Variants in NALCN observed in about 807,000 individuals in gnomAD.
NALCN encodes sodium leak channel, non-selective.
In NALCN, 111 loss-of-function variants were observed where a neutral mutation model predicts 225.3. That is an observed-to-expected ratio of 0.49 (90% CI 0.42 to 0.58). The LOEUF is 0.58. Among genes scored for constraint, NALCN ranks in the 20% least tolerant of loss-of-function variants. The pLI is 0.00. For synonymous variants in NALCN, 764 were observed against 769.0 expected (o/e 0.99, Z 0.11); for missense variants, 1,378 against 2,202.4 (o/e 0.63, Z 7.49).
chr13:101,407,078 G>C (rs1250407811), intron 1 of NALCN, among the ~76,000 whole-genome samples: 1 of 152,192 alleles, frequency 6.6e-6, no homozygotes, highest in African/African-American at 2.4e-5. Context: ...TATTGAGAAA[G>C]TTTTTCTGTC....
chr13:101,058,424 GGGCA>G, intron 42 of NALCN: 1 of 163,292 alleles, frequency 6.1e-6, no homozygotes, highest in Admixed American at 6.1e-5. Context: ...GGCTGGGCGG[GGGCA>G]GTCTACTGTC....
chr13:101,079,382 T>A (rs889387746), intron 34 of NALCN, among the ~76,000 whole-genome samples: 2 of 152,220 alleles, frequency 1.3e-5, no homozygotes, highest in African/African-American at 4.8e-5. Context: ...TTCTTACCCA[T>A]CCAAATCTTG....
intron 1 of NALCN, among the ~76,000 whole-genome samples, chr13:101,402,738 C>T (rs919776970): frequency 2.0e-5 from 3 of 152,152 alleles, no homozygotes; most frequent in African/African-American, 4.8e-5. Flanking sequence ...CTGCTTCCCC[C>T]GCAGATGTAG....
At chr13:101,179,328 A>G (rs908424992) in intron 14 of NALCN, among the ~76,000 whole-genome samples, 6 of 152,164 alleles carry the variant, frequency 3.9e-5, no homozygotes, top group Non-Finnish European at 7.3e-5. Context: ...TTTTCATTTA[A>G]TTCTCCCCGA....
chr13:101,092,578 T>C (rs1048120958), intron 28 of NALCN, among the ~76,000 whole-genome samples: 2 of 152,176 alleles, frequency 1.3e-5, no homozygotes, highest in Non-Finnish European at 2.9e-5. Context: ...AGGTAACCAG[T>C]GTGTCTTCTC....
At position 101,292,026 on chromosome 13, in the gene NALCN, T is replaced by A; in HGVS notation, c.1011A>T (p.Gly337=). The A allele has an allele frequency of 6.2e-7, 1 of 1,614,064 alleles. No homozygotes were observed. Among genetic ancestry groups the A allele is most frequent in the Non-Finnish European group, 8.5e-7 (1 of 1,180,014 alleles). ...EIRVQFQQMW[G]SRSSTTSTAT... ...CTGTTGAGGTAGTGCTGCTTCTCGA[T>A]CCCCACATTTGTTGAAACTGTACTC... Residue 337 remains glycine, a synonymous_variant, in exon 9 of 44, where the codon GGA becomes GGT. Transcript: ENST00000251127. This position sits in a 1 kb window ranked among gnomAD's most constrained non-coding sequence, Gnocchi z 4.3.
At chr13:101,187,003 T>G (rs145794876) in intron 14 of NALCN, among the ~76,000 whole-genome samples, 2 of 152,124 alleles carry the variant, frequency 1.3e-5, no homozygotes, top group South Asian at 2.1e-4. Flanking sequence ...CATTCCACAA[T>G]GTATGCATGT....
intron 14 of NALCN, among the ~76,000 whole-genome samples, chr13:101,190,825 G>A (rs1423676649): frequency 6.6e-6 from 1 of 152,212 alleles, no homozygotes; most frequent in East Asian, 1.9e-4. Flanking sequence ...TTTGGCAGAA[G>A]TTTGATTTGA....
At chr13:101,133,284 C>G (rs931616957) in intron 17 of NALCN, among the ~76,000 whole-genome samples, 8 of 152,142 alleles carry the variant, frequency 5.3e-5, no homozygotes, top group Non-Finnish European at 1.2e-4. Flanking sequence ...TTTTGATTTA[C>G]AATGTTAACA....
In NALCN at chr13:101,202,779, G is replaced by T. The variant is rs1381108497; in HGVS notation, c.1627-10725C>A. 2.6e-5 allele frequency among the ~76,000 whole-genome samples: 4 copies of T among 152,314 alleles called. 1 individual carries two copies. In the South Asian group the frequency reaches 8.3e-4, roughly 32 times the overall value. On this transcript the variant is annotated intron_variant, in intron 13 of 43. Transcript: ENST00000251127. Reference sequence around the variant, plus strand: ...GCTTTTCAAAGCTGCTCCCCCTGGTGTAACTTCAGCCACCTCCATCACTGC... The same window carrying T: ...GCTTTTCAAAGCTGCTCCCCCTGGTTTAACTTCAGCCACCTCCATCACTGC...
intron 12 of NALCN, 64 bp from the exon 13 acceptor site, chr13:101,229,648 T>C (rs2041271667): frequency 7.9e-7 from 1 of 1,269,634 alleles, no homozygotes; most frequent in Admixed American, 2.8e-5. Context: ...GAATCTTAAA[T>C]ATATTCATAC....
intron 1 of NALCN, among the ~76,000 whole-genome samples, chr13:101,408,679 C>T (rs549804138): frequency 1.3e-5 from 2 of 152,170 alleles, no homozygotes; most frequent in South Asian, 4.1e-4. Flanking sequence ...TTTCTTTCTG[C>T]CTCTCTCCTT....
chr13:101,214,842 T>TA (rs1043801493), intron 13 of NALCN, among the ~76,000 whole-genome samples: 2 of 151,862 alleles, frequency 1.3e-5, no homozygotes, highest in African/African-American at 4.8e-5. Context: ...CCAGATCCAG[T>TA]AAAAAAAATT....
At chr13:101,091,345 T>G (rs1197323978) in intron 28 of NALCN, among the ~76,000 whole-genome samples, 5 of 152,204 alleles carry the variant, frequency 3.3e-5, no homozygotes, top group Admixed American at 2.0e-4. Flanking sequence ...AGGGAAAATC[T>G]GGTTCTGTAC....
intron 13 of NALCN, among the ~76,000 whole-genome samples, chr13:101,221,349 C>T (rs1187895034): frequency 6.6e-6 from 1 of 152,078 alleles, no homozygotes; most frequent in Non-Finnish European, 1.5e-5. Flanking sequence ...CATCTCCTGA[C>T]CTCATGATCC....
At chr13:101,217,604 A>G (rs2040787763) in intron 13 of NALCN, among the ~76,000 whole-genome samples, 1 of 152,164 alleles carries the variant, frequency 6.6e-6, no homozygotes, top group Admixed American at 6.5e-5. Context: ...TGATGCTTAC[A>G]GATCCCACTG....
intron 18 of NALCN, chr13:101,116,825 C>T (rs893379884): frequency 2.4e-5 from 10 of 411,880 alleles, no homozygotes; most frequent in African/African-American, 2.1e-4. Flanking sequence ...CATTAGCAGA[C>T]AACAGGAAAA....
At chr13:101,098,490 A>G (rs544799411) in intron 27 of NALCN, among the ~76,000 whole-genome samples, 1 of 152,268 alleles carries the variant, frequency 6.6e-6, no homozygotes, top group South Asian at 2.1e-4. Flanking sequence ...CCTAGGCTCC[A>G]TATCTATATC....
At chr13:101,090,250 G>A (rs2034158698) in intron 28 of NALCN, among the ~76,000 whole-genome samples, 1 of 152,150 alleles carries the variant, frequency 6.6e-6, no homozygotes, top group Non-Finnish European at 1.5e-5. Flanking sequence ...TGATCTCAAT[G>A]TAAAACAGCT....
Sources: allele counts gnomAD v4.1 joint callset (sites outside exome capture counted in the v4.1 genomes callset), GRCh38; gene constraint gnomAD v4.1.1; non-coding constraint Gnocchi (gnomAD v3.1); transcripts MANE v1.5; gene names NCBI Gene and HGNC (gene_info 2026-07-23, HGNC 2026-07-21).